Variants in NOS1 observed in about 807,000 individuals in gnomAD.
NOS1 encodes the protein nitric oxide synthase 1.
Under a neutral mutation model 164.5 loss-of-function variants are expected in NOS1, and 51 were observed. That is an observed-to-expected ratio of 0.31 (90% CI 0.25 to 0.39). The LOEUF (loss-of-function observed/expected upper bound fraction) is 0.39. NOS1 is among the 10% of genes least tolerant of loss of function. NOS1 has a pLI of 1.00. For missense variants in NOS1, 1,362 were observed against 1,885.6 expected (o/e 0.72, Z 5.14); for synonymous variants, 719 against 745.8 (o/e 0.96, Z 0.59).
chr12:117,299,142 A>G (rs1157754275), intron 3 of NOS1, among the ~76,000 whole-genome samples: 2 of 152,230 alleles, frequency 1.3e-5, no homozygotes, highest in African/African-American at 2.4e-5. Context: ...CAGCAAGCAT[A>G]ACCTGGTTAC....
chr12:117,261,921 A>T (rs548399665), intron 13 of NOS1, among the ~76,000 whole-genome samples: 2 of 152,318 alleles, frequency 1.3e-5, no homozygotes, highest in Admixed American at 6.5e-5. Flanking sequence ...CTTCTGCTCT[A>T]CTGGGCAGGG....
At chr12:117,324,672 C>T (rs948365544) in intron 2 of NOS1, among the ~76,000 whole-genome samples, 8 of 151,272 alleles carry the variant, frequency 5.3e-5, no homozygotes, top group Non-Finnish European at 8.8e-5. Context: ...GCCATCATGG[C>T]GCCACTGCAC....
chr12:117,210,139 A>ATTT lies in NOS1; in HGVS notation c.*5167_*5169dup, dbSNP rs146442744. 2.4e-4 allele frequency: 70 copies of ATTT among 290,634 alleles called. No homozygotes were observed. Among genetic ancestry groups the ATTT allele is most frequent in the Non-Finnish European group, 3.1e-4 (65 of 207,520 alleles). 18.0% of individuals were successfully genotyped at this position (290,634 alleles called of 1,614,324 possible). A position where few individuals can be genotyped will look rare whatever the true frequency, so the allele number is the denominator to read the frequency against. ...AGGAGCATGCCATCATGCCCAGCTA[A>ATTT]TTTTTTTTTTTTTTTTTTTTTAGTA... On this transcript the variant is annotated 3_prime_UTR_variant, in exon 29 of 29. Transcript: ENST00000317775.
chr12:117,332,396 A>G (rs1237336882), intron 1 of NOS1, among the ~76,000 whole-genome samples: 1 of 152,128 alleles, frequency 6.6e-6, no homozygotes, highest in African/African-American at 2.4e-5. Context: ...TTTGACCTGG[A>G]GCCTGAGCTT....
intron 2 of NOS1, among the ~76,000 whole-genome samples, chr12:117,315,931 A>G (rs1874647788): frequency 6.6e-6 from 1 of 152,218 alleles, no homozygotes; most frequent in African/African-American, 2.4e-5. Context: ...CTCTGTGTAG[A>G]ACACTGACTA....
Position 117,280,716 on chromosome 12 carries a change from C to T in NOS1, c.1524+9G>A, listed in dbSNP as rs780209803. On this transcript the variant is annotated intron_variant, in intron 8 of 28. Coordinates refer to ENST00000317775, the MANE Select transcript of NOS1 (RefSeq NM_000620.5). ...GTTGGGGCAGGGTAGGGGGCGGAAA[C>T]GCTCGCACCTCTGTGAACTGCACAT... 2.4e-5 allele frequency: 39 copies of T among 1,611,304 alleles called. 1 individual carries two copies. Among genetic ancestry groups the T allele is most frequent in the Admixed American group, 2.2e-4 (13 of 59,844 alleles).
At position 117,330,651 on chromosome 12, in the gene NOS1, G is replaced by A. The variant is rs752127138; in HGVS notation, c.419C>T (p.Pro140Leu). Reference sequence around the variant, plus strand: ...TGCCAGGGGCTGTTCTTTGCCGGCCGGTGGCTGGTGGGACAGATCCACGGC... The same window carrying A: ...TGCCAGGGGCTGTTCTTTGCCGGCCAGTGGCTGGTGGGACAGATCCACGGC... ...TKAVDLSHQP[P>L]AGKEQPLAVD... Residue 140 changes from proline to leucine, a missense_variant, in exon 2 of 29, where the codon CCG becomes CTG. Around this residue, in one of 4 missense-constraint regions of NOS1, gnomAD observed 362 missense variants for 402.0 expected, o/e 0.90. Coordinates refer to ENST00000317775, the MANE Select transcript of NOS1 (RefSeq NM_000620.5). The surrounding 1 kb of genome is among the most constrained non-coding windows in gnomAD (Gnocchi z 4.6). 6.8e-6 allele frequency: 11 copies of A among 1,611,504 alleles called. No individual in the cohort carries two copies. Among genetic ancestry groups the A allele is most frequent in the African/African-American group, 1.3e-5 (1 of 74,892 alleles).
rs117818452 is a variant in NOS1, at chr12:117,331,257, C to T, written c.-188G>A. On this transcript the variant is annotated 5_prime_UTR_variant, in exon 2 of 29. Transcript: ENST00000317775. The stretch of plus-strand genomic sequence containing the variant: ...CGTCACCCACTCATGGCTGGTGGCC[C>T]GTCGGTGGCATGATTTCCTGCATCC... The T allele has an allele frequency of 5.3e-4, 341 of 642,562 alleles. 1 individual carries two copies. In the East Asian group the frequency reaches 6.5e-3, roughly 12 times the overall value. 39.8% of individuals were successfully genotyped at this position (642,562 alleles called of 1,614,324 possible). A position where few individuals can be genotyped will look rare whatever the true frequency, so the allele number is the denominator to read the frequency against.
intron 1 of NOS1, among the ~76,000 whole-genome samples, chr12:117,334,597 G>A (rs1252929667): frequency 6.6e-5 from 10 of 152,086 alleles, no homozygotes; most frequent in Non-Finnish European, 1.5e-4. Context: ...GTTTTGCCAT[G>A]TTGGACAGGC....
At chr12:117,220,370 G>A in intron 26 of NOS1, 101 bp from the exon 27 acceptor site, 2 of 1,178,526 alleles carry the variant, frequency 1.7e-6, no homozygotes, top group African/African-American at 1.5e-5. Context: ...GGGGCTTGTG[G>A]GCAGGTAGGA....
chr12:117,348,017 A>ATTTTTTTTTTT, intron 1 of NOS1: 1 of 101,878 alleles, frequency 9.8e-6, no homozygotes, highest in Non-Finnish European at 1.9e-5. Context: ...GATCCCCTAC[A>ATTTTTTTTTTT]TTTTTTTTTT....
In NOS1 at chr12:117,211,012, A is replaced by G. The variant is rs546795766; in HGVS notation, c.*4297T>C. 9 of 867,334 alleles carry G rather than the reference A, an allele frequency of 1.0e-5. No homozygotes were observed. The East Asian group carries it at 3.6e-4, about 35-fold the overall frequency. The allele number at this position is 867,334 out of a possible 1,614,324, so 53.7% of individuals were successfully genotyped here. A position where few individuals can be genotyped will look rare whatever the true frequency, so the allele number is the denominator to read the frequency against. On this transcript the variant is annotated 3_prime_UTR_variant, in exon 29 of 29. Coordinates refer to ENST00000317775, the MANE Select transcript of NOS1 (RefSeq NM_000620.5). Reference sequence around the variant, plus strand: ...TGCTCTGTCACCCAGGCTGGAGTGCAGTGGTACAATCTTGGCTCACTGCAG... The same window carrying G: ...TGCTCTGTCACCCAGGCTGGAGTGCGGTGGTACAATCTTGGCTCACTGCAG...
intron 5 of NOS1, among the ~76,000 whole-genome samples, chr12:117,287,718 C>T (rs924543915): frequency 2.0e-5 from 3 of 152,200 alleles, no homozygotes; most frequent in Non-Finnish European, 4.4e-5. Context: ...GGATTACAGG[C>T]GTGAGCCACT....
Position 117,220,058 on chromosome 12 carries a change from G to A in NOS1, c.4170+17C>T, listed in dbSNP as rs79214411. On this transcript the variant is annotated intron_variant, in intron 27 of 28. Transcript: ENST00000317775. ...GGATGTAGGAAAAGGGACCTGGGAA[G>A]TCAGCCTGTCACTCACCCTCATCCG... 1 of 1,588,688 alleles carries A rather than the reference G, an allele frequency of 6.3e-7. No homozygotes were observed. The highest frequency in any genetic ancestry group is 8.6e-7 in the Non-Finnish European group (1 of 1,167,002).
intron 3 of NOS1, chr12:117,305,011 G>A (rs1874059568): frequency 1.0e-6 from 1 of 985,342 alleles, no homozygotes; most frequent in Non-Finnish European, 1.2e-6. Flanking sequence ...CTTGGCAGTT[G>A]CTTTGCTGCC....
chr12:117,322,158 C>CTCCTTCCTTCTTTT (rs1462482040), intron 2 of NOS1, among the ~76,000 whole-genome samples: 1 of 137,466 alleles, frequency 7.3e-6, no homozygotes, highest in Non-Finnish European at 1.6e-5. Flanking sequence ...CCTTCCCTCC[C>CTCCTTCCTTCTTTT]TCCTTCCTTC....
intron 1 of NOS1, among the ~76,000 whole-genome samples, chr12:117,360,922 C>A (rs1877112473): frequency 6.6e-6 from 1 of 152,096 alleles, no homozygotes; most frequent in Non-Finnish European, 1.5e-5. Flanking sequence ...CGACTAGGGT[C>A]TTGCAAAGTT....
rs763292576 is a variant in NOS1, at chr12:117,212,063, C to CAA, written c.*3244_*3245dup. On this transcript the variant is annotated 3_prime_UTR_variant, in exon 29 of 29. Transcript: ENST00000317775. ...CCTGGGTGACAGAGCAAGACTCTGT[C>CAA]AAAAAAAAAAATAGATTCTAACCTT... 543 of 772,434 alleles carry CAA rather than the reference C, an allele frequency of 7.0e-4. No homozygotes were observed. Among genetic ancestry groups the CAA allele is most frequent in the African/African-American group, 3.1e-3 (162 of 52,634 alleles). 47.8% of individuals were successfully genotyped at this position (772,434 alleles called of 1,614,324 possible).
chr12:117,255,409 A>G (rs11068427), intron 16 of NOS1, among the ~76,000 whole-genome samples: 17,996 of 152,240 alleles, frequency 0.12, 3,335 homozygotes, highest in African/African-American at 0.4. Flanking sequence ...AAAATTAAAA[A>G]AAGAGAGAAA....
Sources: gnomAD v4.1 joint callset for allele counts (sites outside exome capture counted in the v4.1 genomes callset) on GRCh38, gnomAD v4.1.1 for gene constraint, gnomAD v4.1.1 regional missense constraint, Gnocchi (gnomAD v3.1) non-coding constraint, MANE v1.5 for transcripts, NCBI Gene and HGNC (gene_info 2026-07-23, HGNC 2026-07-21) for gene names.